Variants in PCP4L1 observed in about 807,000 individuals in gnomAD.
PCP4L1 encodes the protein Purkinje cell protein 4-like protein 1.
In PCP4L1, 9 loss-of-function variants were observed where a neutral mutation model predicts 9.6. The ratio of observed to expected loss-of-function variants is 0.94; its 90% CI spans 0.57 to 1.64. The LOEUF (loss-of-function observed/expected upper bound fraction) is 1.64. PCP4L1 is among the 40% of genes most tolerant of loss of function. PCP4L1 has a pLI of 0.00. For synonymous variants in PCP4L1, 31 were observed against 28.2 expected, an observed-to-expected ratio of 1.10 and a Z score of -0.31; for missense variants, 81 against 80.8, an observed-to-expected ratio of 1.00 and a Z score of -0.01.
intron 1 of PCP4L1, among the ~76,000 whole-genome samples, chr1:161,261,295 G>A (rs1448258640): frequency 1.3e-5 from 2 of 152,224 alleles, no homozygotes; most frequent in Non-Finnish European, 2.9e-5. Context: ...TCCAGACCTA[G>A]AACAACCAAC....
intron 1 of PCP4L1, among the ~76,000 whole-genome samples, chr1:161,263,513 CA>C (rs1298021770): frequency 6.6e-6 from 1 of 151,946 alleles, no homozygotes; most frequent in African/African-American, 2.4e-5. Context: ...GCTGGGATTA[CA>C]GGGGTGAGCC....
At chr1:161,278,874 C>T (rs939107448) in intron 1 of PCP4L1, among the ~76,000 whole-genome samples, 1 of 152,212 alleles carries the variant, frequency 6.6e-6, no homozygotes, top group African/African-American at 2.4e-5. Context: ...CCTCCGCCTT[C>T]CAGGCTCAAG....
At chr1:161,272,847 GGACAA>G (rs1445482110) in intron 1 of PCP4L1, among the ~76,000 whole-genome samples, 2 of 152,190 alleles carry the variant, frequency 1.3e-5, no homozygotes, top group East Asian at 3.9e-4. Flanking sequence ...TCAGATGGAA[GGACAA>G]GACATCATCT....
chr1:161,278,216 G>A (rs1669734083), intron 1 of PCP4L1, among the ~76,000 whole-genome samples: 1 of 152,060 alleles, frequency 6.6e-6, no homozygotes. Flanking sequence ...CTTTGATAGA[G>A]CTCTCTGTAC....
At chr1:161,262,002 T>A (rs918140650) in intron 1 of PCP4L1, among the ~76,000 whole-genome samples, 1 of 152,228 alleles carries the variant, frequency 6.6e-6, no homozygotes, top group Admixed American at 6.5e-5. Flanking sequence ...TTCTGTTATG[T>A]CTCCTGTGAA....
At chr1:161,282,204 G>C (rs972516408) in intron 1 of PCP4L1, among the ~76,000 whole-genome samples, 15 of 147,046 alleles carry the variant, frequency 1.0e-4, no homozygotes, top group African/African-American at 3.7e-4. Flanking sequence ...GACCAACACA[G>C]CGAAACCCTG....
At chr1:161,268,189 G>T (rs1352229046) in intron 1 of PCP4L1, among the ~76,000 whole-genome samples, 1 of 151,824 alleles carries the variant, frequency 6.6e-6, no homozygotes, top group Non-Finnish European at 1.5e-5. Context: ...GAGGTTTAGA[G>T]CCATTCTCAG....
intron 1 of PCP4L1, among the ~76,000 whole-genome samples, chr1:161,266,512 A>C (rs982629903): frequency 6.6e-6 from 1 of 152,202 alleles, no homozygotes; most frequent in African/African-American, 2.4e-5. Flanking sequence ...GACTCACTGC[A>C]TACCATGAGC....
intron 1 of PCP4L1, among the ~76,000 whole-genome samples, chr1:161,282,374 G>T (rs573977795): frequency 5.5e-4 from 77 of 140,132 alleles, no homozygotes; most frequent in Admixed American, 3.3e-3. Context: ...GAGGGAGAGC[G>T]TGGAAAGAGA....
At position 161,284,459 on chromosome 1, in the gene PCP4L1, G is replaced by C. The variant is rs1330638779; in HGVS notation, c.185G>C (p.Arg62Thr). The C allele has an allele frequency of 1.9e-6, 3 of 1,613,630 alleles. No homozygotes were observed. The African/African-American group carries it at 4.0e-5, about 22-fold the overall frequency. Residue 62 changes from arginine (R) to threonine (T), a missense_variant, in exon 3 of 3, where the codon AGG becomes ACG. Physicochemically the swap from Arg to Thr is moderately conservative, Grantham distance 71. Transcript: ENST00000504449. ...GGCAAGTTCCGGCGATTTCAGAAAA[G>C]GAAAAAGGATCCCAGCTCCTGAATG... ...IQGKFRRFQK[R>T]KKDPSS
intron 1 of PCP4L1, among the ~76,000 whole-genome samples, chr1:161,276,700 AATATGTGTGTGTGTGTATATAT>A (rs902605746): frequency 1.3e-4 from 18 of 142,390 alleles, no homozygotes; most frequent in Non-Finnish European, 2.3e-4. Flanking sequence ...AAAAAAGGAA[AATATGTGTGTGTGTGTATATAT>A]ATATGTGTGT....
chr1:161,261,501 G>T (rs951707421), intron 1 of PCP4L1, among the ~76,000 whole-genome samples: 1 of 152,220 alleles, frequency 6.6e-6, no homozygotes, highest in African/African-American at 2.4e-5. Context: ...GATTGCTGTG[G>T]ATCACACTCT....
In PCP4L1 at chr1:161,264,822, C is replaced by G. The variant is rs190831751; in HGVS notation, c.9+5839C>G. 5.3e-5 allele frequency among the ~76,000 whole-genome samples: 8 copies of G among 152,306 alleles called. No homozygotes were observed. In the East Asian group the frequency reaches 1.3e-3, roughly 26 times the overall value. On this transcript the variant is annotated intron_variant, in intron 1 of 2. Transcript: ENST00000504449. ...CCAGCCTGGGCGATAGAGTGAGACC[C>G]TGTCTCTCACAAACACGAAAAAGAA...
intron 1 of PCP4L1, among the ~76,000 whole-genome samples, chr1:161,266,712 G>T: frequency 6.6e-6 from 1 of 152,122 alleles, no homozygotes; most frequent in East Asian, 1.9e-4. Flanking sequence ...TATTAAGAGA[G>T]GAATGTGTGT....
Position 161,284,442 on chromosome 1 carries a change from C to T in PCP4L1, c.168C>T (p.Phe56=). Residue 56 remains phenylalanine (F), a synonymous_variant, in exon 3 of 3, where the codon TTC becomes TTT. Transcript: ENST00000504449. ...CTGCCCTTGCTATTCAGGGCAAGTT[C>T]CGGCGATTTCAGAAAAGGAAAAAGG... is the stretch of plus-strand genomic sequence containing the variant. The part of the protein sequence containing the change: ...EKAALAIQGK[F]RRFQKRKKDP... 2 of 1,613,972 alleles carry T rather than the reference C, an allele frequency of 1.2e-6. No homozygotes were observed. The highest frequency in any genetic ancestry group is 8.5e-7 in the Non-Finnish European group (1 of 1,179,890).
chr1:161,281,852 C>T (rs1207932172), intron 1 of PCP4L1, among the ~76,000 whole-genome samples: 1 of 147,320 alleles, frequency 6.8e-6, no homozygotes, highest in East Asian at 2.1e-4. Context: ...GCGCTCCCCA[C>T]ATCTCAGACG....
At chr1:161,260,112 A>C (rs1669391737) in intron 1 of PCP4L1, among the ~76,000 whole-genome samples, 1 of 152,246 alleles carries the variant, frequency 6.6e-6, no homozygotes, top group Admixed American at 6.5e-5. Flanking sequence ...ATTTAACAGA[A>C]GAATTCCCAA....
At position 161,283,716 on chromosome 1, in the gene PCP4L1, GA is replaced by G; in HGVS notation, c.63del (p.Gly22GlufsTer19). 5 of 1,605,936 alleles carry G rather than the reference GA, an allele frequency of 3.1e-6. No individual in the cohort carries two copies. Among genetic ancestry groups the G allele is most frequent in the East Asian group, 4.5e-5 (2 of 44,708 alleles). ...PATNQAAGQE[E>X]KGKAGNVKKA... ...AACCAACCAGGCAGCTGGCCAAGAG[GA>G]AAAAGGTGAGTGGGGTTGGGCTAGG... On this transcript the variant is annotated frameshift_variant, in exon 2 of 3. Coordinates refer to ENST00000504449, the MANE Select transcript of PCP4L1 (RefSeq NM_001102566.2). LOFTEE classifies it high-confidence loss of function.
Position 161,268,551 on chromosome 1 carries a change from C to CTTTTTTTT in PCP4L1, c.9+9580_9+9587dup, listed in dbSNP as rs10654377. 1.1e-4 allele frequency among the ~76,000 whole-genome samples: 13 copies of CTTTTTTTT among 114,050 alleles called. 1 individual carries two copies. Among genetic ancestry groups the CTTTTTTTT allele is most frequent in the Admixed American group, 3.2e-4 (3 of 9,402 alleles). The allele number at this position is 114,050 out of a possible 152,430, so 74.8% of individuals were successfully genotyped here. ...TACATTTTTCTCTGGTTCCTTTTAC[C>CTTTTTTTT]TTTTTTTTTTTTTTTTTTTGAGATG... On this transcript the variant is annotated intron_variant, in intron 1 of 2. Coordinates refer to ENST00000504449, the MANE Select transcript of PCP4L1 (RefSeq NM_001102566.2).
Sources: gnomAD v4.1 joint callset for allele counts (sites outside exome capture counted in the v4.1 genomes callset) on GRCh38, gnomAD v4.1.1 for gene constraint, MANE v1.5 for transcripts, NCBI Gene and HGNC (gene_info 2026-07-23, HGNC 2026-07-21) for gene names.